DNAJC25: variants seen among roughly 807,000 people sequenced by gnomAD.
DNAJC25 encodes the protein DnaJ heat shock protein family (Hsp40) member C25.
In DNAJC25, 26 loss-of-function variants were observed where a neutral mutation model predicts 42.1. That is an observed-to-expected ratio of 0.62 (90% CI 0.45 to 0.86). The LOEUF (loss-of-function observed/expected upper bound fraction) is 0.86. Ranked by LOEUF, DNAJC25 falls within the 40% of genes least tolerant of loss-of-function variation. DNAJC25 has a pLI of 0.00. For synonymous variants in DNAJC25, 189 were observed against 179.9 expected, an observed-to-expected ratio of 1.05 and a Z score of -0.40; for missense variants, 404 against 459.4, an observed-to-expected ratio of 0.88 and a Z score of 1.10.
intron 1 of DNAJC25, among the ~76,000 whole-genome samples, chr9:111,634,560 A>G (rs1830337019): frequency 6.6e-6 from 1 of 152,228 alleles, no homozygotes; most frequent in South Asian, 2.1e-4. Context: ...TAGTGGGAGA[A>G]GCTGAGTTCC....
At chr9:111,632,348 C>T (rs770337559) in intron 1 of DNAJC25, among the ~76,000 whole-genome samples, 2 of 152,202 alleles carry the variant, frequency 1.3e-5, no homozygotes, top group Non-Finnish European at 1.5e-5. Flanking sequence ...CATGATACCT[C>T]CTCTCAGAGT....
intron 1 of DNAJC25, chr9:111,643,013 T>C (rs1209167556): frequency 2.9e-5 from 13 of 443,794 alleles, no homozygotes; most frequent in Non-Finnish European, 6.1e-5. Context: ...GTTTTGGTTT[T>C]GGAAAGAAGT....
chr9:111,649,674 G>A lies in DNAJC25; in HGVS notation c.711G>A (p.Gln237=). Reference sequence around the variant, plus strand: ...AAATAGATATAAAGGGGGGCTATCAGAAACCCCAAATCTGTGATCTTCTCC... The same window carrying A: ...AAATAGATATAAAGGGGGGCTATCAAAAACCCCAAATCTGTGATCTTCTCC... ...KSKIDIKGGY[Q]KPQICDLLLF... The change falls in exon 3 of 4, where the codon CAG becomes CAA. Residue 237 remains glutamine (Q), a synonymous_variant. Coordinates refer to ENST00000313525, the MANE Select transcript of DNAJC25 (RefSeq NM_001015882.3). 6.2e-7 allele frequency: 1 copy of A among 1,613,976 alleles called. No individual in the cohort carries two copies. The highest frequency in any genetic ancestry group is 1.1e-5 in the South Asian group (1 of 91,040).
chr9:111,649,158 A>G (rs1830610471), intron 2 of DNAJC25, among the ~76,000 whole-genome samples: 1 of 152,228 alleles, frequency 6.6e-6, no homozygotes, highest in African/African-American at 2.4e-5. Context: ...TGGTAAAGAT[A>G]CGAACCACAG....
At chr9:111,652,496 C>A (rs1185244299) in intron 3 of DNAJC25, among the ~76,000 whole-genome samples, 1 of 143,972 alleles carries the variant, frequency 6.9e-6, no homozygotes, top group East Asian at 2.1e-4. Context: ...GCCTAGGCAA[C>A]CAAGAGAGAC....
chr9:111,647,893 C>T (rs1445637031), intron 2 of DNAJC25, among the ~76,000 whole-genome samples: 1 of 152,220 alleles, frequency 6.6e-6, no homozygotes, highest in East Asian at 1.9e-4. Flanking sequence ...ATTCCCCTGC[C>T]TCAGCCTCCT....
At chr9:111,645,135 C>A (rs540751728) in intron 1 of DNAJC25, among the ~76,000 whole-genome samples, 2 of 152,094 alleles carry the variant, frequency 1.3e-5, no homozygotes, top group African/African-American at 4.8e-5. Flanking sequence ...TAAATATATT[C>A]GTATCTAATT....
intron 1 of DNAJC25, among the ~76,000 whole-genome samples, chr9:111,633,330 T>G (rs376831077): frequency 3.4e-4 from 52 of 152,178 alleles, no homozygotes; most frequent in African/African-American, 1.1e-3. Flanking sequence ...GAATTTAGGT[T>G]GAGTGTCAGG....
chr9:111,642,341 G>T (rs1208635886), intron 1 of DNAJC25, among the ~76,000 whole-genome samples: 1 of 106,914 alleles, frequency 9.4e-6, no homozygotes, highest in East Asian at 3.2e-4. Context: ...AACATGTGCT[G>T]TGTCCACTCA....
chr9:111,653,933 C>T lies in DNAJC25; in HGVS notation c.*711C>T, dbSNP rs1409268180. 9 of 152,454 alleles carry T rather than the reference C, an allele frequency of 5.9e-5. No homozygotes were observed. The East Asian group carries it at 1.7e-3, about 29-fold the overall frequency. The allele number at this position is 152,454 out of a possible 1,614,324, so 9.4% of individuals were successfully genotyped here. A position where few individuals can be genotyped will look rare whatever the true frequency, so the allele number is the denominator to read the frequency against. ...TCTTGATTATAGTCTTATTATAGGACTATAACTGTATTCTCAACATTTCTC... is the reference window on the plus strand; with the variant it reads ...TCTTGATTATAGTCTTATTATAGGATTATAACTGTATTCTCAACATTTCTC... On this transcript the variant is annotated 3_prime_UTR_variant, in exon 4 of 4. Coordinates refer to ENST00000313525, the MANE Select transcript of DNAJC25 (RefSeq NM_001015882.3).
chr9:111,652,940 A>G (rs1020870468), intron 3 of DNAJC25, among the ~76,000 whole-genome samples, 160 bp from the exon 4 acceptor site: 19 of 150,226 alleles, frequency 1.3e-4, no homozygotes, highest in African/African-American at 4.5e-4. Flanking sequence ...ATAAATAAAT[A>G]AAATGCTTAA....
chr9:111,632,304 G>A (rs1830295933), intron 1 of DNAJC25, among the ~76,000 whole-genome samples: 1 of 152,122 alleles, frequency 6.6e-6, no homozygotes, highest in Admixed American at 6.5e-5. Flanking sequence ...TTATTATGTT[G>A]AAATAGCTGT....
chr9:111,643,831 G>T (rs1564085423), intron 1 of DNAJC25, among the ~76,000 whole-genome samples: 1 of 151,996 alleles, frequency 6.6e-6, no homozygotes. Flanking sequence ...CAGAAGGATG[G>T]TCCTTCTTAT....
In DNAJC25 at chr9:111,636,945, A is replaced by G. The variant is rs1310135274; in HGVS notation, c.336+5202A>G. On this transcript the variant is annotated intron_variant, in intron 1 of 3. Coordinates refer to ENST00000313525, the MANE Select transcript of DNAJC25 (RefSeq NM_001015882.3). ...CAGTGGTTACTCCCTACTTATGGCC[A>G]AGGGTGATTATATACTAGCTGTGTT... Among the ~76,000 whole-genome samples, 3 of 152,294 alleles carry G rather than the reference A, an allele frequency of 2.0e-5. No individual in the cohort carries two copies. The East Asian group carries it at 5.8e-4, about 29-fold the overall frequency.
intron 1 of DNAJC25, among the ~76,000 whole-genome samples, chr9:111,641,407 G>C (rs1471691148): frequency 7.2e-6 from 1 of 138,458 alleles, no homozygotes; most frequent in South Asian, 2.3e-4. Context: ...GAGGTGGGGG[G>C]GTCAGCCCTC....
At chr9:111,636,730 A>C (rs915370571) in intron 1 of DNAJC25, among the ~76,000 whole-genome samples, 1 of 152,202 alleles carries the variant, frequency 6.6e-6, no homozygotes, top group Admixed American at 6.5e-5. Flanking sequence ...CTGATTGGTC[A>C]TGATTACCTG....
chr9:111,653,055 G>A, intron 3 of DNAJC25, 45 bp from the exon 4 acceptor site: 1 of 1,492,246 alleles, frequency 6.7e-7, no homozygotes, highest in Non-Finnish European at 8.9e-7. Flanking sequence ...AATGGCAAAT[G>A]TTCCTCTTTG....
intron 1 of DNAJC25, chr9:111,642,764 G>GCAAAA (rs1830502031): frequency 4.5e-6 from 2 of 445,890 alleles, no homozygotes; most frequent in African/African-American, 4.0e-5. Flanking sequence ...GGGGAGGGGG[G>GCAAAA]ATGACCCTTT....
chr9:111,647,078 A>G (rs1281114440), intron 1 of DNAJC25, 29 bp from the exon 2 acceptor site: 8 of 1,610,174 alleles, frequency 5.0e-6, no homozygotes, highest in East Asian at 4.5e-5. Flanking sequence ...GGACTGTCCT[A>G]TGAAGTTGGA....
Sources: allele counts gnomAD v4.1 joint callset (sites outside exome capture counted in the v4.1 genomes callset), GRCh38; gene constraint gnomAD v4.1.1; transcripts MANE v1.5; gene names NCBI Gene and HGNC (gene_info 2026-07-23, HGNC 2026-07-21).